Variants in KCND3 observed in about 807,000 individuals in gnomAD.
The protein encoded by KCND3 is A-type voltage-gated potassium channel KCND3.
Under a neutral mutation model 51.1 loss-of-function variants are expected in KCND3, and 9 were observed. The ratio of observed to expected loss-of-function variants is 0.18; its 90% confidence interval spans 0.11 to 0.31. KCND3 has a LOEUF of 0.31. Among genes scored for constraint, KCND3 ranks in the 10% least tolerant of loss-of-function variants. KCND3 has a pLI of 1.00. For missense variants in KCND3, 526 were observed against 903.8 expected (o/e 0.58, Z 5.36); for synonymous variants, 349 against 368.0 (o/e 0.95, Z 0.59).
At chr1:111,932,724 A>C (rs17014754) in intron 2 of KCND3, among the ~76,000 whole-genome samples, 3,736 of 152,324 alleles carry the variant, frequency 0.025, 150 homozygotes, top group African/African-American at 0.083. Flanking sequence ...ACTCCGTGCT[A>C]CTGATTCTGC....
chr1:111,862,911 G>A (rs1668399387), intron 2 of KCND3, among the ~76,000 whole-genome samples: 2 of 152,240 alleles, frequency 1.3e-5, no homozygotes, highest in Non-Finnish European at 2.9e-5. Flanking sequence ...GTGGAGGTGT[G>A]AGGACACTTT....
chr1:111,903,600 G>A (rs1670496630), intron 2 of KCND3, among the ~76,000 whole-genome samples: 1 of 152,246 alleles, frequency 6.6e-6, no homozygotes, highest in South Asian at 2.1e-4. Flanking sequence ...TTTGAACAAT[G>A]AGAATTATCT....
intron 5 of KCND3, among the ~76,000 whole-genome samples, chr1:111,778,946 C>T (rs1664253774): frequency 6.6e-6 from 1 of 152,184 alleles, no homozygotes; most frequent in Admixed American, 6.5e-5. Context: ...TCACCCATAT[C>T]CTTTCAATTT....
chr1:111,812,825 C>T (rs767501810), intron 2 of KCND3, among the ~76,000 whole-genome samples: 4 of 152,160 alleles, frequency 2.6e-5, no homozygotes, highest in Non-Finnish European at 4.4e-5. Flanking sequence ...AAGCCAGAGG[C>T]CAGTCCCTGC....
chr1:111,816,163 C>T (rs769624645), intron 2 of KCND3, among the ~76,000 whole-genome samples: 28 of 152,364 alleles, frequency 1.8e-4, no homozygotes, highest in Middle Eastern at 6.8e-3. Flanking sequence ...GCCCAAAGCT[C>T]GGCCGGGTGT....
intron 2 of KCND3, among the ~76,000 whole-genome samples, chr1:111,848,862 A>G (rs1667683485): frequency 6.6e-6 from 1 of 152,186 alleles, no homozygotes; most frequent in South Asian, 2.1e-4. Flanking sequence ...TGTGCTGTCC[A>G]CAGGGAGCGC....
At chr1:111,915,637 C>T (rs1393492289) in intron 2 of KCND3, among the ~76,000 whole-genome samples, 2 of 151,378 alleles carry the variant, frequency 1.3e-5, no homozygotes, top group African/African-American at 2.4e-5. Flanking sequence ...CCTGTAGTCC[C>T]AGCTACTCGG....
intron 2 of KCND3, among the ~76,000 whole-genome samples, chr1:111,821,873 T>G (rs1424065072): frequency 1.3e-5 from 2 of 152,132 alleles, no homozygotes; most frequent in Non-Finnish European, 2.9e-5. Flanking sequence ...GGTGTGTGTG[T>G]GTGCTGATGT....
chr1:111,827,271 G>A (rs996385603), intron 2 of KCND3, among the ~76,000 whole-genome samples: 1 of 152,218 alleles, frequency 6.6e-6, no homozygotes, highest in East Asian at 1.9e-4. Context: ...ATGAGTGAAA[G>A]CAGAGACAGG....
chr1:111,834,057 C>A, intron 2 of KCND3, among the ~76,000 whole-genome samples: 1 of 152,134 alleles, frequency 6.6e-6, no homozygotes, highest in East Asian at 1.9e-4. Context: ...CTTGAGATGG[C>A]CACTTGAAGA....
chr1:111,922,053 A>T (rs1283734870), intron 2 of KCND3, among the ~76,000 whole-genome samples: 1 of 152,268 alleles, frequency 6.6e-6, no homozygotes, highest in Non-Finnish European at 1.5e-5. Flanking sequence ...CTCACTCTGC[A>T]GACATTTCTG....
chr1:111,932,981 C>T (rs1672052103), intron 2 of KCND3, among the ~76,000 whole-genome samples: 1 of 152,196 alleles, frequency 6.6e-6, no homozygotes, highest in South Asian at 2.1e-4. Flanking sequence ...TGCCTCCACC[C>T]AAAATCTCAT....
chr1:111,891,972 GTGTGTGTC>G (rs1001544541), intron 2 of KCND3, among the ~76,000 whole-genome samples: 1 of 104,114 alleles, frequency 9.6e-6, no homozygotes. Context: ...GTGTGTCTGT[GTGTGTGTC>G]TGTGTGTGTG....
intron 2 of KCND3, among the ~76,000 whole-genome samples, chr1:111,811,667 C>T (rs564644570): frequency 1.1e-4 from 16 of 152,308 alleles, no homozygotes; most frequent in Admixed American, 6.5e-4. Flanking sequence ...CTCTCTGCCT[C>T]TCCTCTTTTC....
chr1:111,804,919 A>T (rs1466901080), intron 2 of KCND3, among the ~76,000 whole-genome samples: 1 of 152,190 alleles, frequency 6.6e-6, no homozygotes, highest in Non-Finnish European at 1.5e-5. Context: ...TGCTGCATGC[A>T]GGACAGACAG....
At chr1:111,864,865 T>TGGG (rs1381912845) in intron 2 of KCND3, among the ~76,000 whole-genome samples, 1 of 151,802 alleles carries the variant, frequency 6.6e-6, no homozygotes, top group Non-Finnish European at 1.5e-5. Flanking sequence ...ACGTTAGGGT[T>TGGG]GGGGGGAAGG....
intron 2 of KCND3, among the ~76,000 whole-genome samples, chr1:111,891,960 G>A (rs550889173): frequency 3.9e-4 from 50 of 126,756 alleles, no homozygotes; most frequent in Non-Finnish European, 6.5e-4. Flanking sequence ...TGTGGTGTGC[G>A]TGTGTGTCTG....
chr1:111,934,218 G>C (rs887202663), intron 2 of KCND3, among the ~76,000 whole-genome samples: 3 of 152,158 alleles, frequency 2.0e-5, no homozygotes, highest in South Asian at 2.1e-4. Context: ...CAGCTGAAAG[G>C]CCTGCCCAAG....
At chr1:111,904,958 G>C (rs1670574946) in intron 2 of KCND3, among the ~76,000 whole-genome samples, 1 of 152,172 alleles carries the variant, frequency 6.6e-6, no homozygotes, top group African/African-American at 2.4e-5. Flanking sequence ...CTGCAGAGGG[G>C]GCAGCCCTGT....
Sources: allele counts gnomAD v4.1 joint callset (sites outside exome capture counted in the v4.1 genomes callset), GRCh38; gene constraint gnomAD v4.1.1; transcripts MANE v1.5; gene names NCBI Gene and HGNC (gene_info 2026-07-23, HGNC 2026-07-21).